Variants in DCC observed in about 807,000 individuals in gnomAD.
DCC encodes netrin receptor DCC.
In DCC, 58 loss-of-function variants were observed where a neutral mutation model predicts 172.5. The observed-to-expected ratio is 0.34, with a 90% CI of 0.27 to 0.42. The LOEUF (loss-of-function observed/expected upper bound fraction) is 0.42. Among genes scored for constraint, DCC ranks in the 10% least tolerant of loss-of-function variants. The probability of loss-of-function intolerance (pLI) is 1.00; values close to 1 mark genes in which losing one functional copy is unlikely to be tolerated. For missense variants in DCC, 1,740 were observed against 1,791.0 expected (o/e 0.97, Z 0.51); for synonymous variants, 709 against 644.5 (o/e 1.10, Z -1.52).
intron 15 of DCC, 104 bp downstream of exon 15, chr18:53,340,011 T>C (rs891395262): frequency 3.4e-5 from 32 of 954,452 alleles, no homozygotes; most frequent in Admixed American, 8.2e-5. Flanking sequence ...GGTTTCAACT[T>C]ACAGCATGTA....
chr18:52,925,144 G>C (rs1381729203), intron 4 of DCC, 90 bp from the exon 5 acceptor site: 4 of 1,288,562 alleles, frequency 3.1e-6, no homozygotes, highest in Non-Finnish European at 4.5e-6. Context: ...GTCTTAATTT[G>C]AGCTTTGGTG....
intron 2 of DCC, among the ~76,000 whole-genome samples, chr18:52,864,274 T>G (rs753325129): frequency 5.9e-5 from 9 of 152,132 alleles, no homozygotes; most frequent in Non-Finnish European, 8.8e-5. Flanking sequence ...TTTGAAAGCA[T>G]AGAGAGATTT....
At chr18:53,005,224 C>T (rs987354973) in intron 5 of DCC, among the ~76,000 whole-genome samples, 29 of 152,064 alleles carry the variant, frequency 1.9e-4, no homozygotes, top group Non-Finnish European at 7.4e-5. Flanking sequence ...AAACTATGAC[C>T]ATAGTAAAAA....
At chr18:53,057,478 C>A (rs900713747) in intron 5 of DCC, among the ~76,000 whole-genome samples, 5 of 151,884 alleles carry the variant, frequency 3.3e-5, no homozygotes, top group African/African-American at 1.2e-4. Context: ...TGTCTCAGCC[C>A]CCCATAAAAA....
At chr18:53,382,403 A>G in intron 15 of DCC, among the ~76,000 whole-genome samples, 1 of 151,934 alleles carries the variant, frequency 6.6e-6, no homozygotes, top group Non-Finnish European at 1.5e-5. Context: ...CCATTTTTTC[A>G]CTGAAATGTT....
intron 1 of DCC, among the ~76,000 whole-genome samples, chr18:52,642,069 TATATATATATACACAC>T (rs2034914305): frequency 1.1e-4 from 1 of 9,422 alleles, no homozygotes; most frequent in East Asian, 0.013. Context: ...TGTGTATATA[TATATATATATACACAC>T]ACACACACAC....
At chr18:53,326,706 G>T (rs2144837283) in intron 14 of DCC, among the ~76,000 whole-genome samples, 2 of 152,236 alleles carry the variant, frequency 1.3e-5, no homozygotes, top group East Asian at 3.9e-4. Context: ...TGCACCAAAA[G>T]TTTCTTGGCT....
At chr18:52,594,136 G>A (rs1490815273) in intron 1 of DCC, among the ~76,000 whole-genome samples, 2 of 152,164 alleles carry the variant, frequency 1.3e-5, no homozygotes, top group Admixed American at 6.5e-5. Context: ...ATAAGTCATA[G>A]CTCTAGGAAA....
intron 12 of DCC, among the ~76,000 whole-genome samples, chr18:53,290,685 C>G (rs2056992750): frequency 6.6e-6 from 1 of 152,038 alleles, no homozygotes; most frequent in Non-Finnish European, 1.5e-5. Flanking sequence ...TCCTTATTTA[C>G]TATAGACCCA....
intron 23 of DCC, among the ~76,000 whole-genome samples, chr18:53,455,391 A>G (rs748258618): frequency 2.0e-5 from 3 of 152,210 alleles, no homozygotes; most frequent in Non-Finnish European, 2.9e-5. Flanking sequence ...ACAGTCTTGC[A>G]TAAAATGGAC....
intron 7 of DCC, among the ~76,000 whole-genome samples, chr18:53,096,624 A>G (rs937652061): frequency 1.3e-4 from 20 of 152,224 alleles, no homozygotes; most frequent in Non-Finnish European, 2.5e-4. Flanking sequence ...AATAAATATA[A>G]TGGAGGGGCT....
intron 7 of DCC, among the ~76,000 whole-genome samples, chr18:53,098,938 C>T (rs569503058): frequency 2.0e-5 from 3 of 151,956 alleles, no homozygotes; most frequent in Admixed American, 6.6e-5. Context: ...CTTGAGCCCA[C>T]GAATTCAAGG....
chr18:53,351,319 T>TATATATATATATATAGTATATATATATA (rs1568074615), intron 15 of DCC, among the ~76,000 whole-genome samples: 9 of 22,244 alleles, frequency 4.0e-4, no homozygotes, highest in African/African-American at 9.9e-4. Flanking sequence ...ATATATACAC[T>TATATATATATATATAGTATATATATATA]GTATATATAT....
At chr18:53,342,698 A>G (rs1024848806) in intron 15 of DCC, among the ~76,000 whole-genome samples, 1 of 148,210 alleles carries the variant, frequency 6.7e-6, no homozygotes, top group Non-Finnish European at 1.5e-5. Flanking sequence ...ACATATGTAT[A>G]TGTAGGAATA....
chr18:53,277,885 A>G (rs909025398), intron 12 of DCC, among the ~76,000 whole-genome samples: 3 of 152,318 alleles, frequency 2.0e-5, no homozygotes, highest in Middle Eastern at 3.4e-3. Context: ...AAACATTTCC[A>G]TGCAAGATTC....
rs892994648 is a variant in DCC at position 53,016,754 on chromosome 18, G to C, written c.986-46551G>C. 3.3e-5 allele frequency among the ~76,000 whole-genome samples: 5 copies of C among 152,266 alleles called. No homozygotes were observed. The East Asian group carries it at 9.7e-4, about 29-fold the overall frequency. ...ATTTTTGCATATGTGTCAAGTTATA[G>C]AAGAAATTAGCAAAGAATATCTAAC... is the stretch of plus-strand genomic sequence containing the variant. On this transcript the variant is annotated intron_variant, in intron 5 of 28. Coordinates refer to ENST00000442544, the MANE Select transcript of DCC (RefSeq NM_005215.4).
At chr18:52,410,393 C>T (rs542828053) in intron 1 of DCC, among the ~76,000 whole-genome samples, 1 of 152,266 alleles carries the variant, frequency 6.6e-6, no homozygotes, top group South Asian at 2.1e-4. Flanking sequence ...GATTGTGCCA[C>T]TGCATTCCAG....
At chr18:52,716,716 T>C (rs1290557069) in intron 1 of DCC, among the ~76,000 whole-genome samples, 1 of 152,234 alleles carries the variant, frequency 6.6e-6, no homozygotes, top group Non-Finnish European at 1.5e-5. Flanking sequence ...TCCGTTTAAC[T>C]CCATGAGCCT....
At chr18:53,140,379 A>G (rs2043812491) in intron 7 of DCC, among the ~76,000 whole-genome samples, 1 of 152,192 alleles carries the variant, frequency 6.6e-6, no homozygotes, top group South Asian at 2.1e-4. Context: ...ATATTTTAGG[A>G]TGATGTTTCC....
Sources: gnomAD v4.1 joint callset for allele counts (sites outside exome capture counted in the v4.1 genomes callset) on GRCh38, gnomAD v4.1.1 for gene constraint, MANE v1.5 for transcripts, NCBI Gene and HGNC (gene_info 2026-07-23, HGNC 2026-07-21) for gene names.